Variants in MYT1L observed in about 807,000 individuals in gnomAD.
MYT1L encodes myelin transcription factor 1 like, also known as myelin transcription factor 1-like protein.
MYT1L carries 12 observed loss-of-function variants against 126.7 expected under a neutral mutation model. The ratio of observed to expected loss-of-function variants is 0.09; its 90% CI spans 0.06 to 0.15. The LOEUF (loss-of-function observed/expected upper bound fraction) is 0.15, where lower values mean the gene tolerates loss of function less well. MYT1L is among the 10% of genes least tolerant of loss of function. MYT1L has a pLI of 1.00. For synonymous variants in MYT1L, 541 were observed against 604.2 expected (o/e 0.90, Z 1.53); for missense variants, 979 against 1,585.2 (o/e 0.62, Z 6.49).
rs535389290 is a variant in MYT1L, at chr2:1,981,562, T to C, written c.1-1785A>G. 7.2e-5 allele frequency among the ~76,000 whole-genome samples: 11 copies of C among 152,250 alleles called. 1 individual carries two copies. Among genetic ancestry groups the C allele is most frequent in the African/African-American group, 1.7e-4 (7 of 41,552 alleles). ...TCAAGGAGGTGCCTGAAGTGGAATA[T>C]TGGAAAGACGACATCAGACGGTGCA... On this transcript the variant is annotated intron_variant, in intron 5 of 24. Coordinates refer to ENST00000647738, the MANE Select transcript of MYT1L (RefSeq NM_001303052.2).
chr2:1,928,453 G>C (rs1558430814), intron 9 of MYT1L, among the ~76,000 whole-genome samples: 1 of 152,136 alleles, frequency 6.6e-6, no homozygotes, highest in Non-Finnish European at 1.5e-5. Flanking sequence ...GAGCCACCTG[G>C]AGTTCTGGGT....
chr2:2,203,005 G>A, intron 2 of MYT1L, among the ~76,000 whole-genome samples: 1 of 151,020 alleles, frequency 6.6e-6, no homozygotes, highest in East Asian at 1.9e-4. Flanking sequence ...CATATAAACA[G>A]AACCAAAGAC....
chr2:2,228,778 CTA>C lies in MYT1L; in HGVS notation c.-421+55624_-421+55625del. Among the ~76,000 whole-genome samples the C allele has an allele frequency of 6.6e-6, 1 of 152,094 alleles. No individual in the cohort carries two copies. Among genetic ancestry groups the C allele is most frequent in the South Asian group, 2.1e-4 (1 of 4,816 alleles). On this transcript the variant is annotated intron_variant, in intron 2 of 24. Coordinates refer to ENST00000647738, the MANE Select transcript of MYT1L (RefSeq NM_001303052.2). The surrounding 1 kb of genome is among the most constrained non-coding windows in gnomAD (Gnocchi z 5.9). ...CAAACACCTGAAAACTTATGAAAAA[CTA>C]TGTTATTTAGGTTGCTTCTTTTCAA...
rs540558425 is a variant in MYT1L, at chr2:1,806,448, C to T, written c.3172+2628G>A. Among the ~76,000 whole-genome samples the T allele has an allele frequency of 1.1e-4, 17 of 152,346 alleles. No individual in the cohort carries two copies. The highest frequency in any genetic ancestry group is 3.4e-3 in the Middle Eastern group (1 of 294). ...GCCCAGCAGCAGCAGCTGGGCCCAG[C>T]GGGCGGACGGTGGCCCTGGAATGCC... On this transcript the variant is annotated intron_variant, in intron 22 of 24. Transcript: ENST00000647738. The surrounding 1 kb of genome is among the most constrained non-coding windows in gnomAD (Gnocchi z 4.9).
chr2:2,274,063 A>C (rs1035322576), intron 2 of MYT1L, among the ~76,000 whole-genome samples: 15 of 152,192 alleles, frequency 9.9e-5, no homozygotes, highest in Non-Finnish European at 2.1e-4. Flanking sequence ...GGTAGGCACA[A>C]AGAAGGAAGG....
At chr2:2,273,127 C>T (rs2095296016) in intron 2 of MYT1L, among the ~76,000 whole-genome samples, 1 of 152,142 alleles carries the variant, frequency 6.6e-6, no homozygotes. Flanking sequence ...TATCCTGCCC[C>T]CTGCCACAAT....
chr2:1,964,177 G>A (rs1274325408), intron 8 of MYT1L, among the ~76,000 whole-genome samples: 1 of 152,150 alleles, frequency 6.6e-6, no homozygotes, highest in Non-Finnish European at 1.5e-5. Context: ...GGGAGAGGTG[G>A]TGGACTGGCT....
intron 2 of MYT1L, among the ~76,000 whole-genome samples, chr2:2,217,725 A>T (rs1046064753): frequency 6.9e-6 from 1 of 145,006 alleles, no homozygotes; most frequent in African/African-American, 2.6e-5. Flanking sequence ...AAAAAGAAAG[A>T]AGGAAAAAGA....
intron 21 of MYT1L, among the ~76,000 whole-genome samples, chr2:1,822,276 G>C (rs1348439475): frequency 6.6e-5 from 10 of 152,196 alleles, no homozygotes. Flanking sequence ...TATAAGAGGA[G>C]AGTGGGTCAT....
At chr2:2,208,488 A>T (rs2093392004) in intron 2 of MYT1L, among the ~76,000 whole-genome samples, 1 of 152,144 alleles carries the variant, frequency 6.6e-6, no homozygotes, top group Non-Finnish European at 1.5e-5. Flanking sequence ...CAGTTTGGGC[A>T]TTCCTTCAGT....
chr2:2,073,221 T>C (rs149759910), intron 3 of MYT1L, among the ~76,000 whole-genome samples: 27 of 152,156 alleles, frequency 1.8e-4, no homozygotes, highest in African/African-American at 6.0e-4. Flanking sequence ...GATGAATCTT[T>C]CTTCCCCCTC....
chr2:1,804,182 G>A (rs1211564696), intron 22 of MYT1L, among the ~76,000 whole-genome samples: 2 of 152,222 alleles, frequency 1.3e-5, no homozygotes, highest in African/African-American at 2.4e-5. Context: ...GTGCAATGGC[G>A]TGACCTTGGC....
rs1310409162 is a variant in MYT1L, at chr2:1,922,605, C to T, written c.1164G>A (p.Gln388=). The change falls in exon 10 of 25, where the codon CAG becomes CAA. Residue 388 remains glutamine, a synonymous_variant. Coordinates refer to ENST00000647738, the MANE Select transcript of MYT1L (RefSeq NM_001303052.2). This position sits in a 1 kb window ranked among gnomAD's most constrained non-coding sequence, Gnocchi z 7.4. ...CAAACACTCTCGACCGGGGGCTCAA[C>T]TGCTCCTCCAGCCGCATGAGGTTCA... ...DMLNLMRLEE[Q]LSPRSRVFAS... 7 of 1,614,038 alleles carry T rather than the reference C, an allele frequency of 4.3e-6. No individual in the cohort carries two copies. The East Asian group carries it at 6.7e-5, about 15-fold the overall frequency.
intron 2 of MYT1L, among the ~76,000 whole-genome samples, chr2:2,182,293 A>G (rs1247647579): frequency 6.6e-6 from 1 of 152,192 alleles, no homozygotes; most frequent in Non-Finnish European, 1.5e-5. Flanking sequence ...ACCCATGCCA[A>G]TCGCTGAAAC....
chr2:2,327,948 A>G (rs1441779983), intron 1 of MYT1L, among the ~76,000 whole-genome samples: 1 of 152,220 alleles, frequency 6.6e-6, no homozygotes, highest in Non-Finnish European at 1.5e-5. Context: ...TTCTAAAATA[A>G]TGTCTCTCCC....
chr2:1,858,197 A>G (rs10168636), intron 18 of MYT1L, among the ~76,000 whole-genome samples: 23,216 of 152,294 alleles, frequency 0.15, 2,195 homozygotes, highest in African/African-American at 0.26. Context: ...TCTTGTTGTC[A>G]TATAAATGGG....
chr2:2,240,083 A>C (rs2094408203), intron 2 of MYT1L, among the ~76,000 whole-genome samples: 1 of 152,110 alleles, frequency 6.6e-6, no homozygotes, highest in Admixed American at 6.6e-5. Context: ...AGATCACCTG[A>C]GGTCAGGAGT....
rs1042193405 is a variant in MYT1L, at chr2:2,228,392, T to C, written c.-420-55404A>G. 3.3e-5 allele frequency among the ~76,000 whole-genome samples: 5 copies of C among 152,232 alleles called. No individual in the cohort carries two copies. The highest frequency in any genetic ancestry group is 7.2e-5 in the African/African-American group (3 of 41,482). ...CATGGTTACTTACCATTGTGTTAGA[T>C]TTTGAATACTGTAGTGAATGAATGT... On this transcript the variant is annotated intron_variant, in intron 2 of 24. Coordinates refer to ENST00000647738, the MANE Select transcript of MYT1L (RefSeq NM_001303052.2). This position sits in a 1 kb window ranked among gnomAD's most constrained non-coding sequence, Gnocchi z 5.9.
chr2:2,211,170 G>A (rs1210382901), intron 2 of MYT1L, among the ~76,000 whole-genome samples: 1 of 152,092 alleles, frequency 6.6e-6, no homozygotes, highest in Non-Finnish European at 1.5e-5. Context: ...TCTGCAAATA[G>A]GTATAATTGC....
Sources: gnomAD v4.1 joint callset for allele counts (sites outside exome capture counted in the v4.1 genomes callset) on GRCh38, gnomAD v4.1.1 for gene constraint, Gnocchi (gnomAD v3.1) non-coding constraint, MANE v1.5 for transcripts, NCBI Gene and HGNC (gene_info 2026-07-23, HGNC 2026-07-21) for gene names.